Variants in ZP1 observed in about 807,000 individuals in gnomAD.
The protein encoded by ZP1 is zona pellucida sperm-binding protein 1.
A neutral mutation model predicts 67.4 loss-of-function variants in ZP1; 58 were observed. The ratio of observed to expected loss-of-function variants is 0.86; its 90% CI spans 0.70 to 1.07. The LOEUF is 1.07. ZP1 is among the 50% of genes least tolerant of loss of function. The pLI is 0.00. For synonymous variants in ZP1, 333 were observed against 332.7 expected, an observed-to-expected ratio of 1.00 and a Z score of -0.01; for missense variants, 759 against 807.3, an observed-to-expected ratio of 0.94 and a Z score of 0.72.
rs1855555203 is a variant in ZP1, at chr11:60,870,965, C to T, written c.835C>T (p.Gln279Ter). ...PCYYGNTATV[Q>*]CFRDGYFVLV... ...ATCTGCCTTTGTCCCAGCTACTGTC[C>T]AGTGCTTCAGAGATGGCTACTTCGT... Residue 279 changes from glutamine (Q) to a stop codon, truncating the protein, a stop_gained, in exon 5 of 12, where the codon CAG becomes TAG. Transcript: ENST00000278853. LOFTEE classifies it high-confidence loss of function. The T allele has an allele frequency of 1.2e-6, 2 of 1,613,428 alleles. No individual in the cohort carries two copies. The highest frequency in any genetic ancestry group is 1.3e-5 in the African/African-American group (1 of 74,932).
chr11:60,868,998 T>C (rs1297871392), intron 1 of ZP1, 147 bp from the exon 2 acceptor site: 12 of 886,856 alleles, frequency 1.4e-5, no homozygotes, highest in Non-Finnish European at 2.0e-5. Flanking sequence ...GGGAGGGGGC[T>C]TGCCCAAGAC....
At position 60,873,553 on chromosome 11, in the gene ZP1, C is replaced by T. The variant is rs1198439026; in HGVS notation, c.1419C>T (p.Ile473=). Residue 473 remains isoleucine (I), a synonymous_variant, in exon 8 of 12, where the codon ATC becomes ATT. Transcript: ENST00000278853. ...CCTTCCAGCAGCCCCAGTGGCCCAT[C>T]CTGTCAGACGGGTGAGTGCCCCCAC... ...ANPFQQPQWP[I]LSDGCPFKGD... is the part of the protein sequence containing the mutation. 1.9e-6 allele frequency: 3 copies of T among 1,612,826 alleles called. No individual in the cohort carries two copies. Among genetic ancestry groups the T allele is most frequent in the African/African-American group, 2.7e-5 (2 of 74,894 alleles).
At position 60,873,499 on chromosome 11, in the gene ZP1, C is replaced by T; in HGVS notation, c.1365C>T (p.His455=). 2 of 1,613,570 alleles carry T rather than the reference C, an allele frequency of 1.2e-6. No individual in the cohort carries two copies. The highest frequency in any genetic ancestry group is 4.5e-5 in the East Asian group (2 of 44,866). ...ACCCCAACCTGGTCCTGCTGCTGCACCAGTGCTGGGGCGCTCCCAGTGCCA... is the reference window on the plus strand; with the variant it reads ...ACCCCAACCTGGTCCTGCTGCTGCATCAGTGCTGGGGCGCTCCCAGTGCCA... ...RTDPNLVLLL[H]QCWGAPSANP... is the part of the protein sequence containing the mutation. The change falls in exon 8 of 12, where the codon CAC becomes CAT. Residue 455 remains histidine (H), a synonymous_variant. Coordinates refer to ENST00000278853, the MANE Select transcript of ZP1 (RefSeq NM_207341.4).
At chr11:60,873,135 C>T in intron 6 of ZP1, 27 bp from the exon 7 acceptor site, 1 of 1,523,560 alleles carries the variant, frequency 6.6e-7, no homozygotes, top group Non-Finnish European at 8.8e-7. Context: ...GTGTCTTCTC[C>T]CCCACCCTCT....
intron 9 of ZP1, 126 bp downstream of exon 9, chr11:60,873,901 A>G (rs1855645469): frequency 7.6e-7 from 1 of 1,317,928 alleles, no homozygotes. Context: ...GGCGTCTACC[A>G]GGTGTCATGG....
Position 60,870,363 on chromosome 11 carries a change from G to T in ZP1, c.714G>T (p.Val238=). The T allele has an allele frequency of 6.2e-7, 1 of 1,611,424 alleles. No homozygotes were observed. ...GTHLSQEQCQ[V]ASGHLPCIVR... Reference sequence around the variant, plus strand: ...ACCTGAGCCAGGAGCAGTGCCAGGTGGCCTCAGGGCACCTCCCCTGCATCG... The same window carrying T: ...ACCTGAGCCAGGAGCAGTGCCAGGTTGCCTCAGGGCACCTCCCCTGCATCG... Residue 238 remains valine, a synonymous_variant, in exon 4 of 12, where the codon GTG becomes GTT. Transcript: ENST00000278853.
chr11:60,869,835 C>A lies in ZP1; in HGVS notation c.617C>A (p.Ala206Asp), dbSNP rs1469724278. Residue 206 changes from alanine (A) to aspartate (D), a missense_variant, in exon 3 of 12, where the codon GCC (alanine) becomes GAC (aspartate). Physicochemically the swap from Ala to Asp is moderately radical, Grantham distance 126 (BLOSUM62 -2). Coordinates refer to ENST00000278853, the MANE Select transcript of ZP1 (RefSeq NM_207341.4). ...TCCCCTGGACCTGGACCTACCCTCGCCACCCTGGCTCAACCCCACTGGGGC... is the reference window on the plus strand; with the variant it reads ...TCCCCTGGACCTGGACCTACCCTCGACACCCTGGCTCAACCCCACTGGGGC... Reference protein sequence around the residue: ...LPSPGPGPTLATLAQPHWGTL... With the variant: ...LPSPGPGPTLDTLAQPHWGTL... 1.2e-6 allele frequency: 2 copies of A among 1,605,944 alleles called. No homozygotes were observed. The highest frequency in any genetic ancestry group is 1.7e-6 in the Non-Finnish European group (2 of 1,175,518).
Position 60,870,350 on chromosome 11 carries a change from A to G in ZP1, c.701A>G (p.Glu234Gly). 6.2e-7 allele frequency: 1 copy of G among 1,608,990 alleles called. No homozygotes were observed. The stretch of plus-strand genomic sequence containing the variant: ...ACCCTAGGTACCCACCTGAGCCAGG[A>G]GCAGTGCCAGGTGGCCTCAGGGCAC... ...RDYIGTHLSQ[E>G]QCQVASGHLP... The change falls in exon 4 of 12, where the codon GAG (glutamate) becomes GGG (glycine). Residue 234 changes from glutamate (E) to glycine (G), a missense_variant. Coordinates refer to ENST00000278853, the MANE Select transcript of ZP1 (RefSeq NM_207341.4).
intron 6 of ZP1, among the ~76,000 whole-genome samples, chr11:60,871,616 G>A (rs951456462): frequency 1.3e-5 from 2 of 152,192 alleles, no homozygotes; most frequent in African/African-American, 2.4e-5. Context: ...CCCTGTCTTG[G>A]TCTCTCCAAG....
At chr11:60,869,445 T>C in intron 2 of ZP1, 92 bp from the exon 3 acceptor site, 3 of 1,514,918 alleles carry the variant, frequency 2.0e-6, no homozygotes, top group South Asian at 2.6e-5. Flanking sequence ...GCTCCCTGCC[T>C]AATGGCCAGC....
At chr11:60,875,444 C>A in intron 11 of ZP1, 70 bp from the exon 12 acceptor site, 1 of 1,588,676 alleles carries the variant, frequency 6.3e-7, no homozygotes, top group Non-Finnish European at 8.6e-7. Flanking sequence ...CAGTGTGATA[C>A]AAAGTTCTGG....
At chr11:60,874,888 G>A (rs370805810) in intron 9 of ZP1, 45 bp from the exon 10 acceptor site, 23 of 1,590,748 alleles carry the variant, frequency 1.4e-5, no homozygotes, top group African/African-American at 1.1e-4. Flanking sequence ...CTTCCTGCCC[G>A]GTGGCACTGA....
At chr11:60,871,422 C>A in intron 6 of ZP1, 108 bp downstream of exon 6, 1 of 1,227,706 alleles carries the variant, frequency 8.1e-7, no homozygotes, top group Non-Finnish European at 1.1e-6. Context: ...CCAGGCTCTG[C>A]TGTTACCCGG....
Position 60,873,149 on chromosome 11 carries a change from A to G in ZP1, c.1113-13A>G, listed in dbSNP as rs1294823145. On this transcript the variant is annotated splice_polypyrimidine_tract_variant and intron_variant, in intron 6 of 11. Coordinates refer to ENST00000278853, the MANE Select transcript of ZP1 (RefSeq NM_207341.4). ...TGTGTCTTCTCCCCCACCCTCTTGC[A>G]CGTGGACTTCAGGCTTCATGTGCGC... 3 of 1,542,682 alleles carry G rather than the reference A, an allele frequency of 1.9e-6. No homozygotes were observed. The highest frequency in any genetic ancestry group is 2.5e-5 in the South Asian group (2 of 78,798).
chr11:60,875,619 C>T lies in ZP1; in HGVS notation c.1880C>T (p.Thr627Ile). 7 of 1,614,174 alleles carry T rather than the reference C, an allele frequency of 4.3e-6. No homozygotes were observed. Among genetic ancestry groups the T allele is most frequent in the East Asian group, 2.2e-5 (1 of 44,884 alleles). The part of the protein sequence containing the change: ...GFGVFVGLSQ[T>I]WAQKLWESNR... ...GGTGTCTTTGTGGGCCTGAGCCAGA[C>T]CTGGGCCCAGAAGCTCTGGGAAAGC... The change falls in exon 12 of 12, where the codon ACC becomes ATC. Residue 627 changes from threonine to isoleucine, a missense_variant. By Grantham distance (89) the Thr-to-Ile change is moderately conservative. Coordinates refer to ENST00000278853, the MANE Select transcript of ZP1 (RefSeq NM_207341.4).
At position 60,873,189 on chromosome 11, in the gene ZP1, C is replaced by T. The variant is rs781488419; in HGVS notation, c.1140C>T (p.Ala380=). ...FQLHVRCVFN[A]SDFLPIQASI... is the part of the protein sequence containing the mutation. Reference sequence around the variant, plus strand: ...TTCATGTGCGCTGTGTCTTCAACGCCAGTGACTTCCTGCCCATTCAGGCAT... The same window carrying T: ...TTCATGTGCGCTGTGTCTTCAACGCTAGTGACTTCCTGCCCATTCAGGCAT... Residue 380 remains alanine, a synonymous_variant, in exon 7 of 12, where the codon GCC becomes GCT. Transcript: ENST00000278853. 2.5e-6 allele frequency: 4 copies of T among 1,604,294 alleles called. No homozygotes were observed. In the South Asian group the frequency reaches 4.5e-5, roughly 18 times the overall value.
At chr11:60,868,802 T>C (rs1314307283) in intron 1 of ZP1, among the ~76,000 whole-genome samples, 1 of 152,196 alleles carries the variant, frequency 6.6e-6, no homozygotes, top group Non-Finnish European at 1.5e-5. Context: ...AGCCACAGGA[T>C]GTGGATAACT....
intron 9 of ZP1, 104 bp downstream of exon 9, chr11:60,873,879 GGGATGGGGCTT>G (rs1453410578): frequency 1.7e-5 from 26 of 1,487,384 alleles, no homozygotes; most frequent in Non-Finnish European, 2.3e-5. Context: ...ACAAAGTTCT[GGGATGGGGCTT>G]GGCGTCTACC....
chr11:60,870,381 C>A lies in ZP1; in HGVS notation c.732C>A (p.Pro244=), dbSNP rs1855543579. The change falls in exon 4 of 12, where the codon CCC becomes CCA. Residue 244 remains proline, a synonymous_variant. Coordinates refer to ENST00000278853, the MANE Select transcript of ZP1 (RefSeq NM_207341.4). ...GCCAGGTGGCCTCAGGGCACCTCCC[C>A]TGCATCGTGAGAAGAACTTCAAAAG... ...EQCQVASGHL[P]CIVRRTSKEA... is the part of the protein sequence containing the mutation. The A allele has an allele frequency of 2.5e-6, 4 of 1,613,434 alleles. No individual in the cohort carries two copies. The highest frequency in any genetic ancestry group is 3.4e-6 in the Non-Finnish European group (4 of 1,179,794).
Sources: allele counts gnomAD v4.1 joint callset (sites outside exome capture counted in the v4.1 genomes callset), GRCh38; gene constraint gnomAD v4.1.1; transcripts MANE v1.5; gene names NCBI Gene and HGNC (gene_info 2026-07-23, HGNC 2026-07-21).